Variants in NR3C2 observed in about 807,000 individuals in gnomAD.
NR3C2 encodes the protein mineralocorticoid receptor.
Under a neutral mutation model 86.4 loss-of-function variants are expected in NR3C2, and 15 were observed. The observed-to-expected ratio is 0.17, with a 90% CI of 0.12 to 0.27. NR3C2 has a LOEUF of 0.27. Among genes scored for constraint, NR3C2 ranks in the 10% least tolerant of loss-of-function variants. NR3C2 has a pLI of 1.00. For synonymous variants in NR3C2, 458 were observed against 450.5 expected, an observed-to-expected ratio of 1.02 and a Z score of -0.21; for missense variants, 960 against 1,195.6, an observed-to-expected ratio of 0.80 and a Z score of 2.91.
At chr4:148,358,598 G>A (rs1033922396) in intron 2 of NR3C2, among the ~76,000 whole-genome samples, 4 of 150,222 alleles carry the variant, frequency 2.7e-5, no homozygotes, top group Non-Finnish European at 4.4e-5. Flanking sequence ...ATGTGCACAT[G>A]TACCCTAGAA....
intron 6 of NR3C2, among the ~76,000 whole-genome samples, chr4:148,151,699 CCT>C (rs1370927069): frequency 6.6e-6 from 1 of 152,132 alleles, no homozygotes; most frequent in Non-Finnish European, 1.5e-5. Flanking sequence ...TACTGAAACC[CCT>C]GTTTTCCTAT....
At chr4:148,313,938 C>G (rs538470532) in intron 2 of NR3C2, among the ~76,000 whole-genome samples, 2 of 152,228 alleles carry the variant, frequency 1.3e-5, no homozygotes, top group East Asian at 1.9e-4. Context: ...TGCATTACAT[C>G]TTTTCAAGGG....
At chr4:148,423,248 G>A (rs1401587753) in intron 2 of NR3C2, among the ~76,000 whole-genome samples, 1 of 151,118 alleles carries the variant, frequency 6.6e-6, no homozygotes, top group Non-Finnish European at 1.5e-5. Flanking sequence ...AAAGTTTAAT[G>A]TGCTATATTA....
intron 2 of NR3C2, among the ~76,000 whole-genome samples, chr4:148,267,987 T>G (rs561757121): frequency 1.4e-5 from 2 of 147,802 alleles, no homozygotes; most frequent in African/African-American, 5.0e-5. Flanking sequence ...TCGCCCAGGC[T>G]GGAGTTCAGT....
At chr4:148,184,251 C>T (rs1322542770) in intron 4 of NR3C2, among the ~76,000 whole-genome samples, 1 of 151,408 alleles carries the variant, frequency 6.6e-6, no homozygotes, top group Non-Finnish European at 1.5e-5. Context: ...GAGTTCGAGA[C>T]CAGCCTGGCC....
intron 6 of NR3C2, chr4:148,146,894 A>T (rs1310325808): frequency 6.6e-6 from 1 of 152,198 alleles, no homozygotes; most frequent in Non-Finnish European, 1.5e-5. Context: ...ACCAGCCAAG[A>T]TGTAAAAGAG....
upstream of NR3C2, among the ~76,000 whole-genome samples, chr4:148,445,200 C>T (rs1750520191): frequency 1.3e-5 from 2 of 152,096 alleles, no homozygotes; most frequent in Non-Finnish European, 2.9e-5. Context: ...CGGCCCTGAC[C>T]TCGCGCCCGG....
At chr4:148,263,071 C>G (rs1740208570) in intron 2 of NR3C2, among the ~76,000 whole-genome samples, 2 of 152,124 alleles carry the variant, frequency 1.3e-5, no homozygotes, top group South Asian at 4.1e-4. Context: ...CAGAATGACC[C>G]TTATGCATTC....
chr4:148,153,757 G>A (rs975379204), intron 5 of NR3C2, among the ~76,000 whole-genome samples: 7 of 152,128 alleles, frequency 4.6e-5, no homozygotes, highest in African/African-American at 1.7e-4. Flanking sequence ...AGGAATTCCA[G>A]GGACAATTTA....
At chr4:148,190,472 A>G (rs1736143018) in intron 4 of NR3C2, among the ~76,000 whole-genome samples, 1 of 152,206 alleles carries the variant, frequency 6.6e-6, no homozygotes, top group Non-Finnish European at 1.5e-5. Context: ...ATCTTGGAGA[A>G]AGTTCCATGC....
chr4:148,284,197 T>G (rs73855943), intron 2 of NR3C2, among the ~76,000 whole-genome samples: 6,661 of 152,174 alleles, frequency 0.044, 479 homozygotes, highest in African/African-American at 0.15. Flanking sequence ...AGTAGAGCCT[T>G]ATGTATGGAA....
At chr4:148,255,968 T>A (rs1561003402) in intron 3 of NR3C2, among the ~76,000 whole-genome samples, 1 of 152,338 alleles carries the variant, frequency 6.6e-6, no homozygotes, top group East Asian at 1.9e-4. Flanking sequence ...CATTCAAACA[T>A]TTATTTGGTG....
At chr4:148,102,275 T>C (rs1351821405) in intron 8 of NR3C2, among the ~76,000 whole-genome samples, 5 of 152,188 alleles carry the variant, frequency 3.3e-5, no homozygotes, top group African/African-American at 1.2e-4. Flanking sequence ...GGCAGTTCCA[T>C]CCACTCCCAG....
chr4:148,417,109 GT>G (rs1464840025), intron 2 of NR3C2, among the ~76,000 whole-genome samples: 1 of 152,076 alleles, frequency 6.6e-6, no homozygotes, highest in African/African-American at 2.4e-5. Context: ...GCCTGTTCAT[GT>G]CTTTTCCTTG....
chr4:148,170,647 C>A (rs1735085473), intron 4 of NR3C2, among the ~76,000 whole-genome samples: 1 of 152,190 alleles, frequency 6.6e-6, no homozygotes, highest in African/African-American at 2.4e-5. Context: ...ACTTCCTACC[C>A]CCATGCTTTA....
rs1730427950 is a variant in NR3C2, at chr4:148,079,176, C to T, written c.*2168G>A. 1.3e-5 allele frequency: 2 copies of T among 152,152 alleles called. No homozygotes were observed. Among genetic ancestry groups the T allele is most frequent in the Non-Finnish European group, 2.9e-5 (2 of 68,036 alleles). The allele number at this position is 152,152 out of a possible 1,614,324, so 9.4% of individuals were successfully genotyped here. A position where few individuals can be genotyped will look rare whatever the true frequency, so the allele number is the denominator to read the frequency against. ...ACTAAAAGCTGCTTTTGTAAGTAAG[C>T]CATTTGTTTGCTAGCAACTCCCAGT... On this transcript the variant is annotated 3_prime_UTR_variant, in exon 9 of 9. Coordinates refer to ENST00000358102, the MANE Select transcript of NR3C2 (RefSeq NM_000901.5).
At chr4:148,279,962 T>G (rs1237902264) in intron 2 of NR3C2, among the ~76,000 whole-genome samples, 1 of 152,164 alleles carries the variant, frequency 6.6e-6, no homozygotes, top group Non-Finnish European at 1.5e-5. Context: ...TGACCTCAGG[T>G]GATGCACCTG....
At chr4:148,104,349 T>TG (rs1370398121) in intron 8 of NR3C2, among the ~76,000 whole-genome samples, 1 of 147,150 alleles carries the variant, frequency 6.8e-6, no homozygotes, top group South Asian at 2.1e-4. Flanking sequence ...TTGGTTTTTT[T>TG]TTTTTTTTTT....
At chr4:148,175,879 C>T (rs1159222145) in intron 4 of NR3C2, among the ~76,000 whole-genome samples, 1 of 152,142 alleles carries the variant, frequency 6.6e-6, no homozygotes, top group Non-Finnish European at 1.5e-5. Flanking sequence ...GCCTGTAGTC[C>T]CAGCTACTCG....
Sources: allele counts gnomAD v4.1 joint callset (sites outside exome capture counted in the v4.1 genomes callset), GRCh38; gene constraint gnomAD v4.1.1; transcripts MANE v1.5; gene names NCBI Gene and HGNC (gene_info 2026-07-23, HGNC 2026-07-21).